Variants in AUTS2 observed in about 807,000 individuals in gnomAD.
AUTS2 encodes the protein autism susceptibility gene 2 protein.
AUTS2 carries 17 observed loss-of-function variants against 112.4 expected under a neutral mutation model. The ratio of observed to expected loss-of-function variants is 0.15; its 90% confidence interval spans 0.10 to 0.23. AUTS2 has a LOEUF of 0.23. Ranked by LOEUF, AUTS2 falls within the 10% of genes least tolerant of loss-of-function variation. The probability of loss-of-function intolerance (pLI) is 1.00; values close to 1 mark genes in which losing one functional copy is unlikely to be tolerated. For synonymous variants in AUTS2, 751 were observed against 702.7 expected, an observed-to-expected ratio of 1.07 and a Z score of -1.09; for missense variants, 1,510 against 1,701.6, an observed-to-expected ratio of 0.89 and a Z score of 1.98.
chr7:69,858,278 C>T (rs569904622), intron 1 of AUTS2, among the ~76,000 whole-genome samples: 1 of 152,270 alleles, frequency 6.6e-6, no homozygotes, highest in East Asian at 1.9e-4. Context: ...AGGAGAATCA[C>T]CTGGATGTCA....
chr7:70,306,399 T>C (rs1562867552), intron 4 of AUTS2, among the ~76,000 whole-genome samples: 4 of 152,236 alleles, frequency 2.6e-5, no homozygotes, highest in Admixed American at 6.5e-5. Context: ...TGAGTACTTT[T>C]TCCCGCTGCT....
At chr7:69,984,882 T>G (rs1241670817) in intron 2 of AUTS2, among the ~76,000 whole-genome samples, 1 of 152,234 alleles carries the variant, frequency 6.6e-6, no homozygotes, top group Non-Finnish European at 1.5e-5. Context: ...TTCTGTCATG[T>G]GCCATTGCTG....
intron 1 of AUTS2, among the ~76,000 whole-genome samples, chr7:69,887,898 C>A (rs541522614): frequency 2.0e-5 from 3 of 151,826 alleles, no homozygotes; most frequent in African/African-American, 7.3e-5. Flanking sequence ...GTTAATAAGG[C>A]GATTTATGTT....
chr7:70,153,988 G>T (rs1420905182), intron 4 of AUTS2, among the ~76,000 whole-genome samples: 3 of 152,156 alleles, frequency 2.0e-5, no homozygotes, highest in Admixed American at 2.0e-4. Context: ...TTGAACCACT[G>T]CTGTCCTCTG....
chr7:70,131,058 G>A (rs765594088), intron 3 of AUTS2, among the ~76,000 whole-genome samples: 1 of 152,142 alleles, frequency 6.6e-6, no homozygotes, highest in Non-Finnish European at 1.5e-5. Flanking sequence ...TTGACTCACA[G>A]CCTTTTCAGT....
intron 1 of AUTS2, among the ~76,000 whole-genome samples, chr7:69,841,162 T>G (rs1350894060): frequency 1.3e-5 from 2 of 152,158 alleles, no homozygotes; most frequent in Non-Finnish European, 2.9e-5. Flanking sequence ...TCTAACCAGG[T>G]GTATTAGGCT....
intron 4 of AUTS2, among the ~76,000 whole-genome samples, chr7:70,300,571 T>C (rs1004625877): frequency 6.6e-6 from 1 of 152,184 alleles, no homozygotes; most frequent in African/African-American, 2.4e-5. Flanking sequence ...TGCTAATCCC[T>C]TTACTAGTAC....
At chr7:70,261,751 T>C (rs1787178572) in intron 4 of AUTS2, among the ~76,000 whole-genome samples, 1 of 152,214 alleles carries the variant, frequency 6.6e-6, no homozygotes, top group Non-Finnish European at 1.5e-5. Context: ...ATCTTTACTG[T>C]TATTTGAAGG....
chr7:69,775,724 T>G (rs1032334886), intron 1 of AUTS2, among the ~76,000 whole-genome samples: 1 of 152,122 alleles, frequency 6.6e-6, no homozygotes, highest in Admixed American at 6.5e-5. Context: ...GGGAAGGCTG[T>G]CTGTGTTTCC....
chr7:70,408,496 G>C (rs1480470441), intron 4 of AUTS2, among the ~76,000 whole-genome samples: 1 of 152,216 alleles, frequency 6.6e-6, no homozygotes, highest in Non-Finnish European at 1.5e-5. Context: ...TCAGGGCAGA[G>C]AGAACAGGAA....
intron 4 of AUTS2, among the ~76,000 whole-genome samples, chr7:70,305,515 G>A (rs949201911): frequency 3.3e-5 from 5 of 152,006 alleles, no homozygotes; most frequent in African/African-American, 4.8e-5. Context: ...GCTAAAGTTC[G>A]GTAAGAAATT....
At chr7:69,614,396 C>A (rs1562760068) in intron 1 of AUTS2, among the ~76,000 whole-genome samples, 1 of 46,956 alleles carries the variant, frequency 2.1e-5, no homozygotes, top group Admixed American at 2.3e-4. Context: ...CACTCTGTTT[C>A]CCAGGCTGGA....
intron 1 of AUTS2, among the ~76,000 whole-genome samples, chr7:69,614,369 T>TTC (rs1793240837): frequency 4.0e-5 from 1 of 25,096 alleles, no homozygotes; most frequent in Non-Finnish European, 1.1e-4. Context: ...TCTTTCTTTT[T>TTC]TTAAGAGATG....
chr7:69,843,592 G>C (rs1792071324), intron 1 of AUTS2, among the ~76,000 whole-genome samples: 1 of 152,208 alleles, frequency 6.6e-6, no homozygotes, highest in Non-Finnish European at 1.5e-5. Flanking sequence ...AATGCATGGG[G>C]ATGATACAGA....
chr7:70,736,372 C>A (rs1787784168), intron 6 of AUTS2, among the ~76,000 whole-genome samples: 1 of 151,804 alleles, frequency 6.6e-6, no homozygotes, highest in South Asian at 2.1e-4. Flanking sequence ...ACTTTTACTA[C>A]CAAGTGATAT....
chr7:69,672,401 T>C (rs1427525137), intron 1 of AUTS2, among the ~76,000 whole-genome samples: 1 of 152,198 alleles, frequency 6.6e-6, no homozygotes, highest in African/African-American at 2.4e-5. Context: ...GGAGAAGATG[T>C]GTCCATGAAC....
chr7:70,429,925 A>G (rs1365847700), intron 4 of AUTS2, among the ~76,000 whole-genome samples: 1 of 152,148 alleles, frequency 6.6e-6, no homozygotes, highest in Non-Finnish European at 1.5e-5. Context: ...GGGGATTAGA[A>G]ACAGAATGTG....
At chr7:70,070,283 A>G (rs1802693766) in intron 2 of AUTS2, among the ~76,000 whole-genome samples, 1 of 152,082 alleles carries the variant, frequency 6.6e-6, no homozygotes, top group South Asian at 2.1e-4. Context: ...TTAAACAGAA[A>G]GTATTTCAAT....
intron 5 of AUTS2, among the ~76,000 whole-genome samples, chr7:70,560,279 A>G (rs531699230): frequency 6.6e-6 from 1 of 152,210 alleles, no homozygotes. Context: ...GCACTGAGCC[A>G]ACATTTAGAC....
Sources: allele counts gnomAD v4.1 joint callset (sites outside exome capture counted in the v4.1 genomes callset), GRCh38; gene constraint gnomAD v4.1.1; transcripts MANE v1.5; gene names NCBI Gene and HGNC (gene_info 2026-07-23, HGNC 2026-07-21).